MST1R: variants seen among roughly 807,000 people sequenced by gnomAD.
MST1R encodes macrophage stimulating 1 receptor.
A neutral mutation model predicts 117.8 loss-of-function variants in MST1R; 99 were observed. The ratio of observed to expected loss-of-function variants is 0.84; its 90% confidence interval spans 0.71 to 0.99. The LOEUF is 0.99. Ranked by LOEUF, MST1R falls within the 50% of genes least tolerant of loss-of-function variation. The pLI is 0.00. For missense variants in MST1R, 1,683 were observed against 1,840.2 expected (o/e 0.91, Z 1.56); for synonymous variants, 734 against 765.3 (o/e 0.96, Z 0.68).
chr3:49,898,919 T>C lies in MST1R; in HGVS notation c.1496A>G (p.Gln499Arg), dbSNP rs2082573853. 6.2e-7 allele frequency: 1 copy of C among 1,614,178 alleles called. No homozygotes were observed. Among genetic ancestry groups the C allele is most frequent in the African/African-American group, 1.3e-5 (1 of 75,072 alleles). ...GTCCCCAAGACGACTGACATCCCGCTGCACGGGCTGCCCACTGTCACCCAG... is the reference window on the plus strand; with the variant it reads ...GTCCCCAAGACGACTGACATCCCGCCGCACGGGCTGCCCACTGTCACCCAG... ...FSLGDSGQPV[Q>R]RDVSRLGDHL... is the part of the protein sequence containing the mutation. Residue 499 changes from glutamine (Q) to arginine (R), a missense_variant, in exon 3 of 20, where the codon CAG becomes CGG. By Grantham distance (43) the Gln-to-Arg change is conservative (BLOSUM62 1). Coordinates refer to ENST00000296474, the MANE Select transcript of MST1R (RefSeq NM_002447.4).
At chr3:49,887,646 G>C (rs2082202593) in intron 19 of MST1R, 84 bp from the exon 20 acceptor site, 2 of 1,483,044 alleles carry the variant, frequency 1.3e-6, no homozygotes, top group Admixed American at 3.4e-5. Flanking sequence ...CCTCTGGCAG[G>C]CCACACAGGG....
At chr3:49,901,257 G>A (rs1455017931) in intron 1 of MST1R, among the ~76,000 whole-genome samples, 1 of 152,222 alleles carries the variant, frequency 6.6e-6, no homozygotes, top group South Asian at 2.1e-4. Context: ...TCCCATCTCC[G>A]AGGCATCAAT....
Position 49,898,847 on chromosome 3 carries a change from C to T in MST1R, c.1548+20G>A, listed in dbSNP as rs571000543. The T allele has an allele frequency of 3.7e-6, 6 of 1,613,798 alleles. No homozygotes were observed. The African/African-American group carries it at 4.0e-5, about 11-fold the overall frequency. ...TGATCCCACAACCCTGGCCCCAGGC[C>T]CTGCCCCTGCCCACCTCACCTGGTC... On this transcript the variant is annotated intron_variant, in intron 3 of 19. Coordinates refer to ENST00000296474, the MANE Select transcript of MST1R (RefSeq NM_002447.4).
chr3:49,894,565 C>CACAAAA (rs1398516496), intron 14 of MST1R, among the ~76,000 whole-genome samples: 1 of 152,102 alleles, frequency 6.6e-6, no homozygotes, highest in Non-Finnish European at 1.5e-5. Flanking sequence ...GAGACCCTGT[C>CACAAAA]ACAAAAACAA....
Position 49,899,268 on chromosome 3 carries a change from G to A in MST1R, c.1231-5C>T. The A allele has an allele frequency of 6.2e-7, 1 of 1,613,750 alleles. No individual in the cohort carries two copies. ...GCTGAGGGCTTCCAGGCCAGGCTGG[G>A]AAAGGTCAGGGAAGGGAAGGAGTCA... is the stretch of plus-strand genomic sequence containing the variant. On this transcript the variant is annotated splice_polypyrimidine_tract_variant and splice_region_variant and intron_variant, in intron 1 of 19. Transcript: ENST00000296474.
At chr3:49,896,967 C>A in intron 7 of MST1R, 77 bp from the exon 8 acceptor site, 1 of 1,427,318 alleles carries the variant, frequency 7.0e-7, no homozygotes, top group East Asian at 2.5e-5. Context: ...GGCCTGTTGA[C>A]CTCTCCCAGT....
intron 19 of MST1R, among the ~76,000 whole-genome samples, chr3:49,888,674 G>C (rs529994624): frequency 2.0e-5 from 3 of 152,076 alleles, no homozygotes; most frequent in Non-Finnish European, 2.9e-5. Flanking sequence ...CTGAAGCAGA[G>C]GTTCCCCAGG....
At position 49,896,726 on chromosome 3, in the gene MST1R, T is replaced by G. The variant is rs778255327; in HGVS notation, c.2345+3A>C. The G allele has an allele frequency of 4.4e-6, 7 of 1,599,064 alleles. No homozygotes were observed. In the East Asian group the frequency reaches 1.6e-4, roughly 36 times the overall value. On this transcript the variant is annotated splice_donor_region_variant and intron_variant, in intron 8 of 19. Coordinates refer to ENST00000296474, the MANE Select transcript of MST1R (RefSeq NM_002447.4). ...CCAGAGTGGGCAAAGAGGCAGTGCTTACATGTAGCCACAGTTGGGGCTGAT... is the reference window on the plus strand; with the variant it reads ...CCAGAGTGGGCAAAGAGGCAGTGCTGACATGTAGCCACAGTTGGGGCTGAT...
chr3:49,896,621 G>A lies in MST1R; in HGVS notation c.2358C>T (p.Ile786=), dbSNP rs562678926. The change falls in exon 9 of 20, where the codon ATC becomes ATT. Residue 786 remains isoleucine (I), a synonymous_variant. Coordinates refer to ENST00000296474, the MANE Select transcript of MST1R (RefSeq NM_002447.4). ...AAGTTAGATGCTGGCCACAGATGGT[G>A]ATGTGGGAGTTGCTGTGGAAGAGGG... ...SPNCGYINSH[I]TICGQHLTSA... is the part of the protein sequence containing the mutation. The A allele has an allele frequency of 1.4e-5, 23 of 1,614,166 alleles. No individual in the cohort carries two copies. In the Admixed American group the frequency reaches 2.7e-4, roughly 19 times the overall value.
Position 49,897,206 on chromosome 3 carries a change from T to G in MST1R, c.2183+74A>C, listed in dbSNP as rs200300938. The G allele has an allele frequency of 2.2e-3, 3,297 of 1,528,860 alleles. 5 individuals carry two copies. Among genetic ancestry groups the G allele is most frequent in the Non-Finnish European group, 2.6e-3 (2,947 of 1,136,598 alleles). 94.7% of individuals were successfully genotyped at this position (1,528,860 alleles called of 1,614,324 possible). A position where few individuals can be genotyped will look rare whatever the true frequency, so the allele number is the denominator to read the frequency against. On this transcript the variant is annotated intron_variant, in intron 7 of 19. Transcript: ENST00000296474. ...TGACCATGTAACAAGCACTCTTCCC[T>G]CCATCCTGACAGAATCCGGGTCCCC...
chr3:49,896,732 T>G lies in MST1R; in HGVS notation c.2342A>C (p.Tyr781Ser). Residue 781 changes from tyrosine to serine, a missense_variant, in exon 8 of 20, where the codon TAC (tyrosine) becomes TCC (serine). Coordinates refer to ENST00000296474, the MANE Select transcript of MST1R (RefSeq NM_002447.4). ...TGGGCAAAGAGGCAGTGCTTACATG[T>G]AGCCACAGTTGGGGCTGATGCTTAG... Reference protein sequence around the residue: ...VVLSISPNCGYINSHITICGQ... With the variant: ...VVLSISPNCGSINSHITICGQ... 6.3e-7 allele frequency: 1 copy of G among 1,596,622 alleles called. No individual in the cohort carries two copies. Among genetic ancestry groups the G allele is most frequent in the Non-Finnish European group, 8.5e-7 (1 of 1,170,706 alleles).
rs1282343712 is a variant in MST1R at position 49,896,772 on chromosome 3, C to T, written c.2302G>A (p.Glu768Lys). ...CTGATGCTTAGCACGACAGGGTCTT[C>T]TCTGTACTGGAAGGTCCAGGAACCA... The part of the protein sequence containing the change: ...VPGSWTFQYR[E>K]DPVVLSISPN... Residue 768 changes from glutamate to lysine, a missense_variant, in exon 8 of 20, where the codon GAA (glutamate) becomes AAA (lysine). By Grantham distance (56) the Glu-to-Lys change is moderately conservative. Coordinates refer to ENST00000296474, the MANE Select transcript of MST1R (RefSeq NM_002447.4). The T allele has an allele frequency of 5.1e-6, 8 of 1,575,460 alleles. No individual in the cohort carries two copies. The highest frequency in any genetic ancestry group is 6.9e-6 in the Non-Finnish European group (8 of 1,159,090).
rs773386448 is a variant in MST1R, at chr3:49,898,996, C to G, written c.1420-1G>C. 2.5e-6 allele frequency: 4 copies of G among 1,614,192 alleles called. No homozygotes were observed. In the South Asian group the frequency reaches 3.3e-5, roughly 13 times the overall value. ...AGTTTAGTGACCTGACCAGCTCCACCTAGGACAGGTCAGATGTGAGCAAAA... is the reference window on the plus strand; with the variant it reads ...AGTTTAGTGACCTGACCAGCTCCACGTAGGACAGGTCAGATGTGAGCAAAA... On this transcript the variant is annotated splice_acceptor_variant, in intron 2 of 19. Transcript: ENST00000296474. LOFTEE classifies it high-confidence loss of function.
Position 49,896,404 on chromosome 3 carries a change from A to T in MST1R, c.2440T>A (p.Cys814Ser), listed in dbSNP as rs1017880415. Residue 814 changes from cysteine to serine, a missense_variant and splice_region_variant, in exon 10 of 20, where the codon TGT becomes AGT. By Grantham distance (112) the Cys-to-Ser change is moderately radical. Transcript: ENST00000296474. ...TGCTGCTCTGGAAGCTGCCTCTCAC[A>T]CTGCTGGGACCAATATGAGAGTGAT... is the stretch of plus-strand genomic sequence containing the variant. ...HDGLRAVESR[C>S]ERQLPEQQLC... 3.1e-6 allele frequency: 5 copies of T among 1,612,412 alleles called. No individual in the cohort carries two copies. The highest frequency in any genetic ancestry group is 2.7e-5 in the African/African-American group (2 of 74,870).
chr3:49,898,004 C>A (rs753662083), intron 5 of MST1R, 47 bp downstream of exon 5: 18 of 1,612,240 alleles, frequency 1.1e-5, no homozygotes, highest in Non-Finnish European at 1.5e-5. Context: ...GAAGGGGCTG[C>A]TTGGTTTCCC....
rs1427192436 is a variant in MST1R at position 49,897,576 on chromosome 3, G to A, written c.1990C>T (p.Pro664Ser). Residue 664 changes from proline to serine, a missense_variant, in exon 6 of 20, where the codon CCG becomes TCG. Transcript: ENST00000296474. The stretch of plus-strand genomic sequence containing the variant: ...CCGTCTACCCGGAAGTGCTTGCCCG[G>A]TGGCATGTTAGTCACGGTGAGGCTG... ...NVSLTVTNMP[P>S]GKHFRVDGTS... is the part of the protein sequence containing the mutation. 12 of 1,614,028 alleles carry A rather than the reference G, an allele frequency of 7.4e-6. No homozygotes were observed. Among genetic ancestry groups the A allele is most frequent in the Non-Finnish European group, 1.0e-5 (12 of 1,180,044 alleles).
intron 15 of MST1R, 23 bp downstream of exon 15, chr3:49,891,735 T>C (rs775224110): frequency 3.1e-6 from 5 of 1,613,730 alleles, no homozygotes; most frequent in Non-Finnish European, 4.2e-6. Context: ...TCCCTCTGCC[T>C]TCCCATCTTC....
chr3:49,903,102 G>A lies in MST1R; in HGVS notation c.508C>T (p.Arg170Trp), dbSNP rs1219251258. 21 of 1,605,550 alleles carry A rather than the reference G, an allele frequency of 1.3e-5. No individual in the cohort carries two copies. Among genetic ancestry groups the A allele is most frequent in the African/African-American group, 6.7e-5 (5 of 74,954 alleles). Residue 170 changes from arginine to tryptophan, a missense_variant, in exon 1 of 20, where the codon CGG (arginine) becomes TGG (tryptophan). Coordinates refer to ENST00000296474, the MANE Select transcript of MST1R (RefSeq NM_002447.4). ...ACACAGTCGGGGCAGTCATCGGGCC[G>A]GTTATGGTGGGCTGAGAAGAGGCAG... ...PACLFSAHHN[R>W]PDDCPDCVAS... is the part of the protein sequence containing the mutation.
intron 1 of MST1R, among the ~76,000 whole-genome samples, chr3:49,902,056 T>C (rs186585598): frequency 6.6e-6 from 1 of 152,198 alleles, no homozygotes; most frequent in Non-Finnish European, 1.5e-5. Context: ...TCAGGAGCTA[T>C]GCTAACAGAG....
Sources: allele counts gnomAD v4.1 joint callset (sites outside exome capture counted in the v4.1 genomes callset), GRCh38; gene constraint gnomAD v4.1.1; transcripts MANE v1.5; gene names NCBI Gene and HGNC (gene_info 2026-07-23, HGNC 2026-07-21).